Variants in NLGN1 observed in about 807,000 individuals in gnomAD.
NLGN1 encodes neuroligin 1, also known as neuroligin-1.
NLGN1 carries 12 observed loss-of-function variants against 65.5 expected under a neutral mutation model. That is an observed-to-expected ratio of 0.18 (90% confidence interval 0.12 to 0.30). The LOEUF is 0.30. Among genes scored for constraint, NLGN1 ranks in the 10% least tolerant of loss-of-function variants. The pLI, the probability that NLGN1 is intolerant of heterozygous loss-of-function variation, is 1.00. For missense variants in NLGN1, 750 were observed against 1,007.1 expected (o/e 0.74, Z 3.46); for synonymous variants, 350 against 359.5 (o/e 0.97, Z 0.30).
chr3:173,441,548 A>G (rs2148797761), intron 2 of NLGN1, among the ~76,000 whole-genome samples: 1 of 152,236 alleles, frequency 6.6e-6, no homozygotes, highest in Non-Finnish European at 1.5e-5. Context: ...AGGCAGGAGG[A>G]GAGGCAGAGA....
chr3:174,192,615 C>A (rs1732604540), intron 4 of NLGN1, among the ~76,000 whole-genome samples: 1 of 152,140 alleles, frequency 6.6e-6, no homozygotes, highest in East Asian at 1.9e-4. Context: ...TAGGTCCTGT[C>A]ACGATTTACT....
At chr3:173,956,078 A>T (rs1711956467) in intron 4 of NLGN1, among the ~76,000 whole-genome samples, 1 of 152,150 alleles carries the variant, frequency 6.6e-6, no homozygotes, top group South Asian at 2.1e-4. Context: ...GCTTATATAG[A>T]TCTTCAATTA....
chr3:173,917,237 A>G (rs1740920663), intron 4 of NLGN1, among the ~76,000 whole-genome samples: 1 of 152,234 alleles, frequency 6.6e-6, no homozygotes, highest in African/African-American at 2.4e-5. Context: ...AAGGAAGATT[A>G]CAAAGAGACA....
intron 1 of NLGN1, among the ~76,000 whole-genome samples, chr3:173,415,525 A>T (rs973477844): frequency 5.3e-5 from 8 of 151,970 alleles, no homozygotes; most frequent in African/African-American, 1.9e-4. Flanking sequence ...GTAAGTTTTG[A>T]CTTTGCCGTA....
chr3:173,630,806 T>A (rs1278484054), intron 3 of NLGN1, among the ~76,000 whole-genome samples: 1 of 152,160 alleles, frequency 6.6e-6, no homozygotes. Flanking sequence ...TTACATGCCA[T>A]AAACTTCTTG....
chr3:173,892,708 C>T lies in NLGN1; in HGVS notation c.646+84876C>T, dbSNP rs139254786. Among the ~76,000 whole-genome samples the T allele has an allele frequency of 6.7e-5, 10 of 150,182 alleles. No homozygotes were observed. The East Asian group carries it at 1.9e-3, about 29-fold the overall frequency. ...ACACTCGTGGGGTTTCCATCCAGCTCTACATCCGAGTTATGATTCAGGAGC... is the reference window on the plus strand; with the variant it reads ...ACACTCGTGGGGTTTCCATCCAGCTTTACATCCGAGTTATGATTCAGGAGC... On this transcript the variant is annotated intron_variant, in intron 4 of 6. Coordinates refer to ENST00000457714, the Ensembl canonical transcript of NLGN1.
At position 173,477,595 on chromosome 3, in the gene NLGN1, A is replaced by G. The variant is rs76065410; in HGVS notation, c.-321+42517A>G. On this transcript the variant is annotated intron_variant, in intron 2 of 6. Transcript: ENST00000457714. ...TTTAGTATTGACAGATTTGTAAGGGACAAGCACAGAAAGGGTAGAAAGGGA... is the reference window on the plus strand; with the variant it reads ...TTTAGTATTGACAGATTTGTAAGGGGCAAGCACAGAAAGGGTAGAAAGGGA... Among the ~76,000 whole-genome samples, 743 of 152,288 alleles carry G rather than the reference A, an allele frequency of 4.9e-3. 6 individuals are homozygous for G. Among genetic ancestry groups the G allele is most frequent in the African/African-American group, 0.017 (706 of 41,570 alleles).
chr3:173,537,246 T>G (rs552142104), intron 2 of NLGN1, among the ~76,000 whole-genome samples: 33 of 152,184 alleles, frequency 2.2e-4, no homozygotes, highest in Non-Finnish European at 4.1e-4. Flanking sequence ...CATATGTATC[T>G]CCTTAAGTCA....
chr3:173,561,617 G>A (rs563626991), intron 2 of NLGN1, among the ~76,000 whole-genome samples: 1 of 152,074 alleles, frequency 6.6e-6, no homozygotes, highest in Non-Finnish European at 1.5e-5. Flanking sequence ...ATTAAAATTA[G>A]AGACCAAATA....
In NLGN1 at chr3:173,578,419, A is replaced by T. The variant is rs939436424; in HGVS notation, c.-320-25860A>T. 2.6e-5 allele frequency among the ~76,000 whole-genome samples: 4 copies of T among 152,130 alleles called. No individual in the cohort carries two copies. In the East Asian group the frequency reaches 7.7e-4, roughly 29 times the overall value. On this transcript the variant is annotated intron_variant, in intron 2 of 6. Coordinates refer to ENST00000457714, the Ensembl canonical transcript of NLGN1. ...TGTAATTAGCATAAAATCCTATCCA[A>T]AAAAAGAGTACCCAACTCTTGTCTG...
chr3:173,501,189 C>T (rs1731061257), intron 2 of NLGN1, among the ~76,000 whole-genome samples: 1 of 151,998 alleles, frequency 6.6e-6, no homozygotes, highest in Non-Finnish European at 1.5e-5. Flanking sequence ...TTTGCTGCGC[C>T]TATCAACCCA....
chr3:173,612,805 A>G (rs1186945479), intron 3 of NLGN1, among the ~76,000 whole-genome samples: 1 of 152,126 alleles, frequency 6.6e-6, no homozygotes, highest in African/African-American at 2.4e-5. Flanking sequence ...AACAAGTCTG[A>G]TATCAGCACA....
intron 3 of NLGN1, among the ~76,000 whole-genome samples, chr3:173,753,960 A>ATAATG (rs1776686843): frequency 3.9e-5 from 4 of 103,408 alleles, no homozygotes; most frequent in Non-Finnish European, 2.4e-5. Context: ...ATAATATAAT[A>ATAATG]TAATATAATA....
At chr3:174,041,347 CTG>C (rs1220586235) in intron 4 of NLGN1, among the ~76,000 whole-genome samples, 6 of 152,252 alleles carry the variant, frequency 3.9e-5, no homozygotes, top group African/African-American at 1.2e-4. Flanking sequence ...TAGTATTCCA[CTG>C]TGTTATTATA....
At chr3:173,576,724 A>G (rs973373934) in intron 2 of NLGN1, among the ~76,000 whole-genome samples, 3 of 152,084 alleles carry the variant, frequency 2.0e-5, no homozygotes, top group African/African-American at 7.2e-5. Context: ...ATTTAATCAC[A>G]TTTGCAAAGT....
At chr3:173,840,690 A>G (rs968379218) in intron 4 of NLGN1, among the ~76,000 whole-genome samples, 2 of 152,140 alleles carry the variant, frequency 1.3e-5, no homozygotes, top group African/African-American at 4.8e-5. Context: ...TTTGTCACAA[A>G]CAATGAAATA....
intron 2 of NLGN1, among the ~76,000 whole-genome samples, chr3:173,484,709 A>G (rs963241109): frequency 6.6e-6 from 1 of 152,204 alleles, no homozygotes; most frequent in Non-Finnish European, 1.5e-5. Context: ...TTTAAAGCGT[A>G]TTGCTGATCG....
intron 4 of NLGN1, among the ~76,000 whole-genome samples, chr3:173,915,949 T>A (rs1740648135): frequency 6.6e-6 from 1 of 152,170 alleles, no homozygotes; most frequent in African/African-American, 2.4e-5. Context: ...GAATCAGGAT[T>A]GTGTGAGAAA....
intron 3 of NLGN1, among the ~76,000 whole-genome samples, chr3:173,717,786 A>G (rs994022049): frequency 2.0e-5 from 3 of 152,120 alleles, no homozygotes; most frequent in Non-Finnish European, 4.4e-5. Flanking sequence ...TCTGGCCCTC[A>G]GGAGACAATT....
Sources: allele counts gnomAD v4.1 joint callset (sites outside exome capture counted in the v4.1 genomes callset), GRCh38; gene constraint gnomAD v4.1.1; transcripts MANE v1.5; gene names NCBI Gene and HGNC (gene_info 2026-07-23, HGNC 2026-07-21).